Variants in SEPTIN4 observed in about 807,000 individuals in gnomAD.
SEPTIN4 encodes the protein septin-4.
SEPTIN4 carries 52 observed loss-of-function variants against 107.1 expected under a neutral mutation model. The ratio of observed to expected loss-of-function variants is 0.49; its 90% CI spans 0.39 to 0.61. The LOEUF (loss-of-function observed/expected upper bound fraction) is 0.61. SEPTIN4 is among the 20% of genes least tolerant of loss of function. The probability of loss-of-function intolerance (pLI) is 0.00; values close to 1 mark genes in which losing one functional copy is unlikely to be tolerated. For synonymous variants in SEPTIN4, 417 were observed against 467.0 expected, an observed-to-expected ratio of 0.89 and a Z score of 1.38; for missense variants, 1,048 against 1,243.5, an observed-to-expected ratio of 0.84 and a Z score of 2.36.
At position 58,543,866 on chromosome 17, in the gene SEPTIN4, C is replaced by G. The variant is rs2043954726; in HGVS notation, c.321G>C (p.Gln107His). 6.2e-7 allele frequency: 1 copy of G among 1,614,018 alleles called. No individual in the cohort carries two copies. Among genetic ancestry groups the G allele is most frequent in the African/African-American group, 1.3e-5 (1 of 74,906 alleles). ...SRHSSPHLKSQKTQTLASHAS... is the reference protein window; with the variant it reads ...SRHSSPHLKSHKTQTLASHAS... ...CATGGGAAGCCAGTGTCTGAGTCTT[C>G]TGGCTCTTTAGATGGGGAGAGGAAT... Residue 107 changes from glutamine to histidine, a missense_variant, in exon 1 of 14, where the codon CAG (glutamine) becomes CAC (histidine). By Grantham distance (24) the Gln-to-His change is conservative. Coordinates refer to ENST00000672673, the MANE Select transcript of SEPTIN4 (RefSeq NM_001368771.2).
Position 58,526,814 on chromosome 17 carries a change from G to A in SEPTIN4, c.1779C>T (p.Asp593=), listed in dbSNP as rs765989453. The change falls in exon 4 of 14, where the codon GAC becomes GAT. Residue 593 remains aspartate, a synonymous_variant. Coordinates refer to ENST00000672673, the MANE Select transcript of SEPTIN4 (RefSeq NM_001368771.2). ...RPQAPDLYDD[D]LEFRPPSRPQ... ...GCCGCGAGGGGGGTCTGAACTCCAG[G>A]TCATCATCATAGAGGTCCGGGGCCT... 5 of 1,613,790 alleles carry A rather than the reference G, an allele frequency of 3.1e-6. No homozygotes were observed. The highest frequency in any genetic ancestry group is 4.2e-6 in the Non-Finnish European group (5 of 1,179,924).
In SEPTIN4 at chr17:58,542,867, G is replaced by C. The variant is rs1323506278; in HGVS notation, c.1320C>G (p.Ser440Arg). Reference sequence around the variant, plus strand: ...GCTCAAAATCCGGTGTTGTCAGCTGGCTTTGGGGTGTTTCAACTTCAGGAT... The same window carrying C: ...GCTCAAAATCCGGTGTTGTCAGCTGCCTTTGGGGTGTTTCAACTTCAGGAT... ...LLNPEVETPQ[S>R]QLTTPDFEPK... The change falls in exon 1 of 14, where the codon AGC becomes AGG. Residue 440 changes from serine (S) to arginine (R), a missense_variant. Transcript: ENST00000672673. 1.2e-6 allele frequency: 2 copies of C among 1,614,062 alleles called. No individual in the cohort carries two copies. Among genetic ancestry groups the C allele is most frequent in the African/African-American group, 1.3e-5 (1 of 74,912 alleles).
chr17:58,536,122 A>G (rs754212792), intron 3 of SEPTIN4, among the ~76,000 whole-genome samples: 2 of 152,252 alleles, frequency 1.3e-5, no homozygotes, highest in Non-Finnish European at 2.9e-5. Context: ...AAGGGTTTCT[A>G]TACCATATAG....
Position 58,543,428 on chromosome 17 carries a change from G to A in SEPTIN4, c.759C>T (p.Tyr253=), listed in dbSNP as rs372542161. ...VPVEESETGP[Y]GPIPSKPKAL... ...CCTTGGGTTTTGAAGGAATTGGACC[G>A]TAAGGACCTGTTTCTGATTCTTCTA... is the stretch of plus-strand genomic sequence containing the variant. Residue 253 remains tyrosine, a synonymous_variant, in exon 1 of 14, where the codon TAC becomes TAT. Coordinates refer to ENST00000672673, the MANE Select transcript of SEPTIN4 (RefSeq NM_001368771.2). 2.4e-5 allele frequency: 39 copies of A among 1,614,038 alleles called. No individual in the cohort carries two copies. Among genetic ancestry groups the A allele is most frequent in the East Asian group, 1.8e-4 (8 of 44,894 alleles).
In SEPTIN4 at chr17:58,526,803, C is replaced by G. The variant is rs377282611; in HGVS notation, c.1790G>C (p.Arg597Thr). The change falls in exon 4 of 14, where the codon AGA becomes ACA. Residue 597 changes from arginine (R) to threonine (T), a missense_variant. Arg to Thr is a moderately conservative substitution (Grantham distance 71). Coordinates refer to ENST00000672673, the MANE Select transcript of SEPTIN4 (RefSeq NM_001368771.2). ...AGAGGACTGGGGCCGCGAGGGGGGTCTGAACTCCAGGTCATCATCATAGAG... is the reference window on the plus strand; with the variant it reads ...AGAGGACTGGGGCCGCGAGGGGGGTGTGAACTCCAGGTCATCATCATAGAG... ...PDLYDDDLEF[R>T]PPSRPQSSDN... 4.3e-6 allele frequency: 7 copies of G among 1,613,602 alleles called. No homozygotes were observed. The African/African-American group carries it at 9.3e-5, about 22-fold the overall frequency.
At chr17:58,539,569 A>C (rs1193337082) in intron 3 of SEPTIN4, among the ~76,000 whole-genome samples, 1 of 152,204 alleles carries the variant, frequency 6.6e-6, no homozygotes, top group East Asian at 1.9e-4. Context: ...ATTTGAGCAC[A>C]AACTATTTCA....
chr17:58,541,464 C>A, intron 2 of SEPTIN4: 1 of 210,932 alleles, frequency 4.7e-6, no homozygotes. Flanking sequence ...CTTGCCTGGG[C>A]AGCACCAATA....
chr17:58,540,937 A>G, intron 2 of SEPTIN4: 2 of 358,356 alleles, frequency 5.6e-6, no homozygotes, highest in Non-Finnish European at 9.9e-6. Flanking sequence ...GGGAGCCATT[A>G]TTCTCAGTAA....
At position 58,520,412 on chromosome 17, in the gene SEPTIN4, G is replaced by T; in HGVS notation, c.*14C>A. On this transcript the variant is annotated 3_prime_UTR_variant, in exon 14 of 14. Transcript: ENST00000672673. ...GAAGAGGAGGAGATTTAAATATCCAGGGCTGAAAGCCAGTTAATAGTTCTC... is the reference window on the plus strand; with the variant it reads ...GAAGAGGAGGAGATTTAAATATCCATGGCTGAAAGCCAGTTAATAGTTCTC... The T allele has an allele frequency of 6.2e-7, 1 of 1,612,054 alleles. No individual in the cohort carries two copies. Among genetic ancestry groups the T allele is most frequent in the South Asian group, 1.1e-5 (1 of 90,966 alleles).
Position 58,525,124 on chromosome 17 carries a change from T to C in SEPTIN4, c.2170A>G (p.Ile724Val). ...TCCCCAAAACCTGGTGTGTCCACAATGGTGAGCCGCAGCCTCACACCCTTC... is the reference window on the plus strand; with the variant it reads ...TCCCCAAAACCTGGTGTGTCCACAACGGTGAGCCGCAGCCTCACACCCTTC... ...EEKGVRLRLT[I>V]VDTPGFGDAV... The change falls in exon 7 of 14, where the codon ATT becomes GTT. Residue 724 changes from isoleucine (I) to valine (V), a missense_variant. Physicochemically the swap from Ile to Val is conservative, Grantham distance 29. Around this residue, in one of 2 missense-constraint regions of SEPTIN4, gnomAD observed 261 missense variants for 371.7 expected, o/e 0.70. Transcript: ENST00000672673. The C allele has an allele frequency of 1.2e-6, 2 of 1,614,232 alleles. No individual in the cohort carries two copies. Among genetic ancestry groups the C allele is most frequent in the Admixed American group, 1.7e-5 (1 of 60,026 alleles).
chr17:58,541,462 G>A (rs80096138), intron 2 of SEPTIN4: 3,010 of 210,760 alleles, frequency 0.014, 36 homozygotes, highest in Non-Finnish European at 0.02. Flanking sequence ...ATCTTGCCTG[G>A]GCAGCACCAA....
In SEPTIN4 at chr17:58,543,879, T is replaced by C; in HGVS notation, c.308A>G (p.His103Arg). Residue 103 changes from histidine to arginine, a missense_variant, in exon 1 of 14, where the codon CAT becomes CGT. His to Arg is a conservative substitution (Grantham distance 29). Transcript: ENST00000672673. ...TGTCTGAGTCTTCTGGCTCTTTAGATGGGGAGAGGAATGGCGGGATGATTC... is the reference window on the plus strand; with the variant it reads ...TGTCTGAGTCTTCTGGCTCTTTAGACGGGGAGAGGAATGGCGGGATGATTC... ...RTESSRHSSP[H>R]LKSQKTQTLA... 1 of 1,614,060 alleles carries C rather than the reference T, an allele frequency of 6.2e-7. No homozygotes were observed. The highest frequency in any genetic ancestry group is 1.1e-5 in the South Asian group (1 of 91,060).
At position 58,541,948 on chromosome 17, in the gene SEPTIN4, T is replaced by C. The variant is rs755368105; in HGVS notation, c.1580A>G (p.Tyr527Cys). The C allele has an allele frequency of 6.2e-7, 1 of 1,614,092 alleles. No homozygotes were observed. Among genetic ancestry groups the C allele is most frequent in the Non-Finnish European group, 8.5e-7 (1 of 1,179,974 alleles). Reference sequence around the variant, plus strand: ...TTTTAGCCACCAGATGACACGATTGTACATTTCCTCAGAGACATCTGAAAG... The same window carrying C: ...TTTTAGCCACCAGATGACACGATTGCACATTTCCTCAGAGACATCTGAAAG... ...AFFLDVSEEM[Y>C]NRVIWWLKDE... Residue 527 changes from tyrosine to cysteine, a missense_variant, in exon 2 of 14, where the codon TAC becomes TGC. Transcript: ENST00000672673.
At chr17:58,539,176 G>T in intron 3 of SEPTIN4, 1 of 1,534,460 alleles carries the variant, frequency 6.5e-7, no homozygotes, top group Non-Finnish European at 8.7e-7. Context: ...TGGCTTCTGG[G>T]GAGCAGCTCT....
chr17:58,520,659 A>G (rs1312466196), intron 13 of SEPTIN4, 84 bp downstream of exon 13: 10 of 1,575,096 alleles, frequency 6.3e-6, no homozygotes, highest in South Asian at 2.2e-5. Context: ...CACCAGAGCC[A>G]GGGATCTTTC....
chr17:58,525,090 T>C lies in SEPTIN4; in HGVS notation c.2204A>G (p.Asn735Ser). 1.2e-6 allele frequency: 2 copies of C among 1,614,224 alleles called. No homozygotes were observed. The highest frequency in any genetic ancestry group is 1.7e-6 in the Non-Finnish European group (2 of 1,180,020). ...TACTCAGACATACCACTCTGTGTTG[T>C]TGACTGCATCCCCAAAACCTGGTGT... Reference protein sequence around the residue: ...VDTPGFGDAVNNTECWKPVAE... With the variant: ...VDTPGFGDAVSNTECWKPVAE... Residue 735 changes from asparagine (N) to serine (S), a missense_variant, in exon 7 of 14, where the codon AAC (asparagine) becomes AGC (serine). Physicochemically the swap from Asn to Ser is conservative, Grantham distance 46. Coordinates refer to ENST00000672673, the MANE Select transcript of SEPTIN4 (RefSeq NM_001368771.2).
Position 58,543,521 on chromosome 17 carries a change from G to A in SEPTIN4, c.666C>T (p.Pro222=), listed in dbSNP as rs752825937. The A allele has an allele frequency of 6.2e-6, 10 of 1,614,198 alleles. No individual in the cohort carries two copies. The East Asian group carries it at 1.3e-4, about 22-fold the overall frequency. ...TTSEIRSPRS[P]SLLEHGSSCV... is the part of the protein sequence containing the mutation. ...AGCTGCTTCCGTGCTCTAGGAGAGAGGGACTCCTTGGAGATCTGATCTCAC... is the reference window on the plus strand; with the variant it reads ...AGCTGCTTCCGTGCTCTAGGAGAGAAGGACTCCTTGGAGATCTGATCTCAC... Residue 222 remains proline, a synonymous_variant, in exon 1 of 14, where the codon CCC becomes CCT. Transcript: ENST00000672673.
At chr17:58,534,238 G>C (rs899977377) in intron 3 of SEPTIN4, among the ~76,000 whole-genome samples, 1 of 152,210 alleles carries the variant, frequency 6.6e-6, no homozygotes. Flanking sequence ...GCTGAAGACT[G>C]ACTTTGAGCC....
intron 7 of SEPTIN4, among the ~76,000 whole-genome samples, chr17:58,523,201 C>T (rs1330639626): frequency 1.3e-5 from 2 of 151,930 alleles, no homozygotes; most frequent in East Asian, 1.9e-4. Context: ...GCGAGACCCC[C>T]ATCTCTACAA....
Sources: gnomAD v4.1 joint callset for allele counts (sites outside exome capture counted in the v4.1 genomes callset) on GRCh38, gnomAD v4.1.1 for gene constraint, gnomAD v4.1.1 regional missense constraint, MANE v1.5 for transcripts, NCBI Gene and HGNC (gene_info 2026-07-23, HGNC 2026-07-21) for gene names.